Variants in PIEZO2 observed in about 807,000 individuals in gnomAD.
PIEZO2 encodes piezo-type mechanosensitive ion channel component 2.
Under a neutral mutation model 337.3 loss-of-function variants are expected in PIEZO2, and 172 were observed. The ratio of observed to expected loss-of-function variants is 0.51; its 90% confidence interval spans 0.45 to 0.58. PIEZO2 has a LOEUF of 0.58. Ranked by LOEUF, PIEZO2 falls within the 20% of genes least tolerant of loss-of-function variation. The pLI, the probability that PIEZO2 is intolerant of heterozygous loss-of-function variation, is 0.00. For missense variants in PIEZO2, 3,028 were observed against 3,391.3 expected, an observed-to-expected ratio of 0.89 and a Z score of 2.66; for synonymous variants, 1,251 against 1,228.5, an observed-to-expected ratio of 1.02 and a Z score of -0.38.
chr18:10,760,720 T>A (rs1237097471), intron 24 of PIEZO2, among the ~76,000 whole-genome samples, 191 bp downstream of exon 24: 4 of 152,206 alleles, frequency 2.6e-5, no homozygotes, highest in Admixed American at 2.0e-4. Flanking sequence ...GAGGGGGGTG[T>A]TCAGCACCCA....
At chr18:10,889,217 A>G (rs986712545) in intron 4 of PIEZO2, among the ~76,000 whole-genome samples, 8 of 152,196 alleles carry the variant, frequency 5.3e-5, no homozygotes, top group African/African-American at 9.7e-5. Context: ...CCCAAGTACT[A>G]TCAGTTTTTT....
At chr18:10,975,776 A>C in intron 3 of PIEZO2, among the ~76,000 whole-genome samples, 1 of 152,188 alleles carries the variant, frequency 6.6e-6, no homozygotes, top group East Asian at 1.9e-4. Context: ...TAGGAAAACA[A>C]AATTTAACAC....
At chr18:10,762,018 A>G (rs1018107746) in intron 23 of PIEZO2, among the ~76,000 whole-genome samples, 2 of 152,222 alleles carry the variant, frequency 1.3e-5, no homozygotes, top group African/African-American at 2.4e-5. Context: ...ATTAAAAACT[A>G]TAGATAAACA....
At chr18:10,739,701 C>T (rs913419506) in intron 33 of PIEZO2, 1 of 152,154 alleles carries the variant, frequency 6.6e-6, no homozygotes, top group African/African-American at 2.4e-5. Flanking sequence ...TCACACTGGA[C>T]TCCGACTGGA....
chr18:11,012,240 T>C (rs936658462), intron 2 of PIEZO2, among the ~76,000 whole-genome samples: 1 of 152,224 alleles, frequency 6.6e-6, no homozygotes, highest in African/African-American at 2.4e-5. Flanking sequence ...CATTATGACA[T>C]CTAAATATCA....
rs1039202064 is a variant in PIEZO2 at position 10,718,186 on chromosome 18, C to G, written c.5089+14G>C. ...CAAAGTTCCCACAGCTCATATTTGT[C>G]TTTATTTTGTTACCTGGTCCATCGG... On this transcript the variant is annotated intron_variant, in intron 37 of 55. Transcript: ENST00000674853. 3.9e-6 allele frequency: 6 copies of G among 1,533,188 alleles called. No individual in the cohort carries two copies. Among genetic ancestry groups the G allele is most frequent in the African/African-American group, 1.4e-5 (1 of 72,958 alleles). 95.0% of individuals were successfully genotyped at this position (1,533,188 alleles called of 1,614,324 possible).
chr18:10,895,885 C>G lies in PIEZO2; in HGVS notation c.329+15301G>C, dbSNP rs1331891576. Among the ~76,000 whole-genome samples, 3 of 151,826 alleles carry G rather than the reference C, an allele frequency of 2.0e-5. No homozygotes were observed. The highest frequency in any genetic ancestry group is 7.3e-5 in the African/African-American group (3 of 41,324). On this transcript the variant is annotated intron_variant, in intron 4 of 55. Transcript: ENST00000674853. This position sits in a 1 kb window ranked among gnomAD's most constrained non-coding sequence, Gnocchi z 4.8. ...ATCAGCCTGGCCAACATGGTGAAAC[C>G]CTGTCTTTACTAAAAATACAGAAAA...
At position 10,870,707 on chromosome 18, in the gene PIEZO2, T is replaced by C. The variant is rs1457744007; in HGVS notation, c.492+546A>G. On this transcript the variant is annotated intron_variant, in intron 5 of 55. Transcript: ENST00000674853. The surrounding 1 kb of genome is among the most constrained non-coding windows in gnomAD (Gnocchi z 5.3). ...AAACATACATCTCGTTCATTATTTT[T>C]ACCTTTTTAAAATTCTCACACTTTT... Among the ~76,000 whole-genome samples the C allele has an allele frequency of 6.6e-6, 1 of 152,194 alleles. No homozygotes were observed. Among genetic ancestry groups the C allele is most frequent in the Admixed American group, 6.5e-5 (1 of 15,272 alleles).
At chr18:10,729,309 A>C (rs139505273) in intron 36 of PIEZO2, among the ~76,000 whole-genome samples, 6 of 152,154 alleles carry the variant, frequency 3.9e-5, no homozygotes, top group Non-Finnish European at 7.3e-5. Flanking sequence ...CAAGCCATCT[A>C]TGGATACATT....
At chr18:10,705,977 A>G (rs1035411304) in intron 40 of PIEZO2, among the ~76,000 whole-genome samples, 1 of 152,208 alleles carries the variant, frequency 6.6e-6, no homozygotes, top group African/African-American at 2.4e-5. Flanking sequence ...TTAGAACCAG[A>G]GCCAGTCACG....
At chr18:10,762,432 A>G (rs2038173495) in intron 23 of PIEZO2, 68 bp downstream of exon 23, 2 of 1,496,134 alleles carry the variant, frequency 1.3e-6, no homozygotes, top group Non-Finnish European at 1.8e-6. Context: ...TAAGCGTCTC[A>G]TGGAAAAGAA....
In PIEZO2 at chr18:10,695,767, G is replaced by A. The variant is rs1224438180; in HGVS notation, c.7190+307C>T. ...TTACCTCCACCTCTGCTAAGGTGTAGAGAGAAACACAGCACAAATACCCTA... is the reference window on the plus strand; with the variant it reads ...TTACCTCCACCTCTGCTAAGGTGTAAAGAGAAACACAGCACAAATACCCTA... On this transcript the variant is annotated intron_variant, in intron 47 of 55. Coordinates refer to ENST00000674853, the MANE Select transcript of PIEZO2 (RefSeq NM_001378183.1). Among the ~76,000 whole-genome samples the A allele has an allele frequency of 3.3e-5, 5 of 152,292 alleles. No individual in the cohort carries two copies. In the South Asian group the frequency reaches 1.0e-3, roughly 32 times the overall value.
chr18:10,691,434 A>G (rs1282386448), intron 47 of PIEZO2, 51 bp from the exon 48 acceptor site: 4 of 1,564,582 alleles, frequency 2.6e-6, no homozygotes, highest in East Asian at 2.3e-5. Context: ...CTTCTGAAAC[A>G]AAAGGATGGC....
intron 2 of PIEZO2, among the ~76,000 whole-genome samples, chr18:11,008,070 C>G (rs574694830): frequency 6.6e-6 from 1 of 152,254 alleles, no homozygotes; most frequent in African/African-American, 2.4e-5. Context: ...GACAAAAGTG[C>G]AATATATGTA....
intron 3 of PIEZO2, among the ~76,000 whole-genome samples, chr18:10,936,576 T>G (rs1282885982): frequency 6.6e-6 from 1 of 152,134 alleles, no homozygotes; most frequent in African/African-American, 2.4e-5. Flanking sequence ...CTAATTCTTC[T>G]GGATGGGGGG....
chr18:10,787,077 G>A lies in PIEZO2; in HGVS notation c.2277C>T (p.Phe759=). 1 of 1,535,438 alleles carries A rather than the reference G, an allele frequency of 6.5e-7. No homozygotes were observed. Among genetic ancestry groups the A allele is most frequent in the South Asian group, 1.2e-5 (1 of 83,722 alleles). ...IFIYTYQFEN[F]PGLWQNMTGL... ...CAGTCATATTTTGCCACAGGCCTGG[G>A]AAGTTCTCAAACTGATATGTGTATA... Residue 759 remains phenylalanine, a synonymous_variant, in exon 16 of 56, where the codon TTC becomes TTT. Transcript: ENST00000674853.
At chr18:10,818,963 G>A (rs1029947756) in intron 7 of PIEZO2, among the ~76,000 whole-genome samples, 24 of 152,148 alleles carry the variant, frequency 1.6e-4, no homozygotes, top group African/African-American at 5.8e-4. Context: ...ACGCCCTAAA[G>A]TAAGTCTATT....
At chr18:10,876,120 T>C (rs2042261988) in intron 4 of PIEZO2, among the ~76,000 whole-genome samples, 1 of 152,256 alleles carries the variant, frequency 6.6e-6, no homozygotes, top group African/African-American at 2.4e-5. Flanking sequence ...GACCATCTTA[T>C]CAATTGTGTT....
At position 10,769,937 on chromosome 18, in the gene PIEZO2, C is replaced by T. The variant is rs1598456512; in HGVS notation, c.2946+211G>A. On this transcript the variant is annotated intron_variant, in intron 21 of 55. Transcript: ENST00000674853. ...AAATAAGTAGCCTTTGTAATATGAC[C>T]AAGCCAACGAGAAACTCAGCCACGA... 4.7e-5 allele frequency: 24 copies of T among 507,996 alleles called. No homozygotes were observed. The East Asian group carries it at 7.5e-4, about 16-fold the overall frequency. 31.5% of individuals were successfully genotyped at this position (507,996 alleles called of 1,614,324 possible).
Sources: allele counts gnomAD v4.1 joint callset (sites outside exome capture counted in the v4.1 genomes callset), GRCh38; gene constraint gnomAD v4.1.1; non-coding constraint Gnocchi (gnomAD v3.1); transcripts MANE v1.5; gene names NCBI Gene and HGNC (gene_info 2026-07-23, HGNC 2026-07-21).